Variants in DPP6 observed in about 807,000 individuals in gnomAD.
DPP6 encodes A-type potassium channel modulatory protein DPP6.
A neutral mutation model predicts 122.6 loss-of-function variants in DPP6; 69 were observed. The observed-to-expected ratio is 0.56, with a 90% CI of 0.46 to 0.69. The LOEUF (loss-of-function observed/expected upper bound fraction) is 0.69. Ranked by LOEUF, DPP6 falls within the 30% of genes least tolerant of loss-of-function variation. The probability of loss-of-function intolerance (pLI) is 0.00; values close to 1 mark genes in which losing one functional copy is unlikely to be tolerated. For missense variants in DPP6, 928 were observed against 1,116.9 expected (o/e 0.83, Z 2.41); for synonymous variants, 418 against 433.1 (o/e 0.97, Z 0.43).
At chr7:153,793,732 G>A in the DPP6 span, among the ~76,000 whole-genome samples, 1 of 151,048 alleles carries the variant, frequency 6.6e-6, no homozygotes, top group East Asian at 1.9e-4. Context: ...AGAAGAAAAT[G>A]GTTTCCTGGG....
the DPP6 span, among the ~76,000 whole-genome samples, chr7:153,754,503 A>G: frequency 1.3e-5 from 2 of 152,044 alleles, no homozygotes; most frequent in Admixed American, 1.3e-4. Flanking sequence ...CAATATTTCA[A>G]TACTATGTGC....
chr7:153,991,712 A>G, intron 1 of DPP6, among the ~76,000 whole-genome samples: 1 of 152,156 alleles, frequency 6.6e-6, no homozygotes, highest in East Asian at 1.9e-4. Context: ...AGTCCATTAG[A>G]CAGCGGTCTG....
At position 154,794,184 on chromosome 7, in the gene DPP6, C is replaced by G; in HGVS notation, c.1242C>G (p.Thr414=). The change falls in exon 11 of 26, where the codon ACC becomes ACG. Residue 414 remains threonine (T), a synonymous_variant. Transcript: ENST00000377770. ...NVSILTLCDA[T]TGVCTKKHED... ...CCATCCTCACCCTCTGCGACGCCAC[C>G]ACGGGGGTCTGCACGAAGGTACGCG... 1 of 1,610,744 alleles carries G rather than the reference C, an allele frequency of 6.2e-7. No homozygotes were observed. The highest frequency in any genetic ancestry group is 1.1e-5 in the South Asian group (1 of 90,476).
At chr7:154,694,480 C>T (rs751737378) in intron 7 of DPP6, among the ~76,000 whole-genome samples, 3 of 152,072 alleles carry the variant, frequency 2.0e-5, no homozygotes, top group African/African-American at 7.2e-5. Flanking sequence ...GGCATGGTGG[C>T]GGGTGCCTGT....
At chr7:154,195,353 C>A (rs539378060) in intron 1 of DPP6, among the ~76,000 whole-genome samples, 2 of 152,198 alleles carry the variant, frequency 1.3e-5, no homozygotes, top group East Asian at 1.9e-4. Flanking sequence ...CAGGAGCCCA[C>A]CTGGAGGAAA....
At chr7:153,857,322 T>TCTCTCTCTCTCTCTCTCTCTCTC in the DPP6 span, among the ~76,000 whole-genome samples, 2 of 124,390 alleles carry the variant, frequency 1.6e-5, no homozygotes, top group African/African-American at 6.3e-5. Context: ...CTCAAAGGTT[T>TCTCTCTCTCTCTCTCTCTCTCTC]TCTCTCTCTC....
intron 1 of DPP6, among the ~76,000 whole-genome samples, chr7:154,212,728 G>A (rs776462719): frequency 3.9e-5 from 6 of 152,130 alleles, no homozygotes; most frequent in Non-Finnish European, 8.8e-5. Context: ...TCTCATCTAG[G>A]ATAAAATCCT....
intron 5 of DPP6, chr7:154,588,095 C>T: frequency 1.3e-6 from 2 of 1,595,588 alleles, no homozygotes; most frequent in Non-Finnish European, 1.7e-6. Flanking sequence ...GCCTTGCAGC[C>T]TCTGCTGCCA....
In DPP6 at chr7:154,545,877, C is replaced by T. The variant is rs1452491881; in HGVS notation, c.552+5251C>T. ...CTGTGTCACTCATACTGTATAGGCC[C>T]TTTTTATTGACAATGCTATCAGTGA... On this transcript the variant is annotated intron_variant, in intron 4 of 25. Coordinates refer to ENST00000377770, the MANE Select transcript of DPP6 (RefSeq NM_130797.4). Among the ~76,000 whole-genome samples, 4 of 152,114 alleles carry T rather than the reference C, an allele frequency of 2.6e-5. No individual in the cohort carries two copies. In the East Asian group the frequency reaches 7.7e-4, roughly 29 times the overall value.
intron 7 of DPP6, among the ~76,000 whole-genome samples, chr7:154,697,010 G>C (rs559483740): frequency 6.6e-6 from 1 of 152,298 alleles, no homozygotes; most frequent in Non-Finnish European, 1.5e-5. Context: ...TCTTGTGACT[G>C]AGTTGCATAA....
chr7:154,515,737 G>A (rs751727346), intron 3 of DPP6, among the ~76,000 whole-genome samples: 1 of 152,170 alleles, frequency 6.6e-6, no homozygotes, highest in Non-Finnish European at 1.5e-5. Context: ...GCCTCCCAAA[G>A]TGCTGGGATT....
chr7:154,029,301 G>A (rs1168508707), intron 1 of DPP6, among the ~76,000 whole-genome samples: 1 of 150,618 alleles, frequency 6.6e-6, no homozygotes, highest in Non-Finnish European at 1.5e-5. Flanking sequence ...TGGATCACGA[G>A]GTCAGGAGAT....
chr7:153,906,438 A>G (rs1799854145), intron 1 of DPP6, among the ~76,000 whole-genome samples: 1 of 152,048 alleles, frequency 6.6e-6, no homozygotes, highest in African/African-American at 2.4e-5. Context: ...GTTATAAGTG[A>G]GGATGTGTGG....
intron 8 of DPP6, among the ~76,000 whole-genome samples, chr7:154,762,391 G>C (rs1017481162): frequency 6.6e-6 from 1 of 152,216 alleles, no homozygotes. Context: ...ATTATACTGA[G>C]ACATCAGTGA....
chr7:153,908,029 GT>G (rs34826354), intron 1 of DPP6, among the ~76,000 whole-genome samples: 476 of 113,898 alleles, frequency 4.2e-3, no homozygotes, highest in Admixed American at 6.8e-3. Context: ...GAGGCTGGAA[GT>G]TTTTTTTTTT....
At chr7:153,863,379 T>C in the DPP6 span, among the ~76,000 whole-genome samples, 7 of 152,168 alleles carry the variant, frequency 4.6e-5, no homozygotes, top group African/African-American at 1.7e-4. Context: ...GTTGTGAACA[T>C]GTATGCCAGG....
intron 1 of DPP6, among the ~76,000 whole-genome samples, chr7:154,405,052 T>C (rs565109349): frequency 2.3e-4 from 35 of 152,376 alleles, no homozygotes; most frequent in Admixed American, 2.2e-3. Flanking sequence ...CATATACGTA[T>C]GCAAATGCAT....
chr7:154,387,213 G>A (rs953223785), intron 1 of DPP6, among the ~76,000 whole-genome samples: 2 of 152,184 alleles, frequency 1.3e-5, no homozygotes, highest in Non-Finnish European at 2.9e-5. Context: ...AGAGGCAGAA[G>A]GAGGCTACCA....
chr7:153,869,300 G>T, the DPP6 span, among the ~76,000 whole-genome samples: 1 of 152,030 alleles, frequency 6.6e-6, no homozygotes, highest in African/African-American at 2.4e-5. Flanking sequence ...TCTCTTTGTA[G>T]GTCACTAAGG....
Sources: allele counts gnomAD v4.1 joint callset (sites outside exome capture counted in the v4.1 genomes callset), GRCh38; gene constraint gnomAD v4.1.1; transcripts MANE v1.5; gene names NCBI Gene and HGNC (gene_info 2026-07-23, HGNC 2026-07-21).